The following DDR1 variants were observed in gnomAD, a reference collection of about 807,000 sequenced individuals.
The protein encoded by DDR1 is epithelial discoidin domain-containing receptor 1.
In DDR1, 64 loss-of-function variants were observed where a neutral mutation model predicts 97.4. That is an observed-to-expected ratio of 0.66 (90% CI 0.54 to 0.81). The LOEUF (loss-of-function observed/expected upper bound fraction) is 0.81. Among genes scored for constraint, DDR1 ranks in the 30% least tolerant of loss-of-function variants. The pLI, the probability that DDR1 is intolerant of heterozygous loss-of-function variation, is 0.00. For synonymous variants in DDR1, 458 were observed against 503.7 expected, an observed-to-expected ratio of 0.91 and a Z score of 1.21; for missense variants, 990 against 1,259.6, an observed-to-expected ratio of 0.79 and a Z score of 3.24.
chr6:30,897,451 G>T lies in DDR1; in HGVS notation c.2070G>T (p.Val690=). ...KDPNIIRLLG[V]CVQDDPLCMI... ...CAAACATCATTCGGCTGCTGGGCGT[G>T]TGTGTGCAGGACGACCCCCTCTGCA... The change falls in exon 15 of 18, where the codon GTG becomes GTT. Residue 690 remains valine, a synonymous_variant. Coordinates refer to ENST00000376568, the MANE Select transcript of DDR1 (RefSeq NM_001297654.2). This position sits in a 1 kb window ranked among gnomAD's most constrained non-coding sequence, Gnocchi z 5.2. The T allele has an allele frequency of 6.2e-7, 1 of 1,614,172 alleles. No individual in the cohort carries two copies. Among genetic ancestry groups the T allele is most frequent in the Non-Finnish European group, 8.5e-7 (1 of 1,180,030 alleles).
In DDR1 at chr6:30,886,986, G is replaced by A. The variant is rs1786083480; in HGVS notation, c.-42-1702G>A. 1.3e-5 allele frequency: 2 copies of A among 152,258 alleles called. No homozygotes were observed. Among genetic ancestry groups the A allele is most frequent in the South Asian group, 4.1e-4 (2 of 4,832 alleles). 9.4% of individuals were successfully genotyped at this position (152,258 alleles called of 1,614,324 possible). A position where few individuals can be genotyped will look rare whatever the true frequency, so the allele number is the denominator to read the frequency against. ...AACTTTAATGGGCACAGGTCACCTG[G>A]GAATTGTGTTAAAAGGCAGATTTTG... is the stretch of plus-strand genomic sequence containing the variant. On this transcript the variant is annotated intron_variant, in intron 1 of 17. Transcript: ENST00000376568. This position sits in a 1 kb window ranked among gnomAD's most constrained non-coding sequence, Gnocchi z 4.6.
chr6:30,885,553 G>A lies in DDR1; in HGVS notation c.-43+843G>A, dbSNP rs553451092. 2.6e-4 allele frequency: 370 copies of A among 1,401,308 alleles called. 1 individual carries two copies. In the African/African-American group the frequency reaches 4.7e-3, roughly 18 times the overall value. The allele number at this position is 1,401,308 out of a possible 1,614,324, so 86.8% of individuals were successfully genotyped here. A position where few individuals can be genotyped will look rare whatever the true frequency, so the allele number is the denominator to read the frequency against. On this transcript the variant is annotated intron_variant, in intron 1 of 17. Coordinates refer to ENST00000376568, the MANE Select transcript of DDR1 (RefSeq NM_001297654.2). ...TTCTCTGGGGATCCTGTGCCCAAGG[G>A]CCCGGGTGTGTGTGTCTCATGCTGT...
chr6:30,888,754 T>C lies in DDR1; in HGVS notation c.25T>C (p.Leu9=). Residue 9 remains leucine, a synonymous_variant, in exon 2 of 18, where the codon TTA becomes CTA. Transcript: ENST00000376568. The surrounding 1 kb of genome is among the most constrained non-coding windows in gnomAD (Gnocchi z 4.2). MGPEALSS[L]LLLLLVASGD... Reference sequence around the variant, plus strand: ...TATGGGACCAGAGGCCCTGTCATCTTTACTGCTGCTGCTCTTGGTGGCAAG... The same window carrying C: ...TATGGGACCAGAGGCCCTGTCATCTCTACTGCTGCTGCTCTTGGTGGCAAG... 1 of 1,612,926 alleles carries C rather than the reference T, an allele frequency of 6.2e-7. No individual in the cohort carries two copies. Among genetic ancestry groups the C allele is most frequent in the Non-Finnish European group, 8.5e-7 (1 of 1,179,986 alleles).
In DDR1 at chr6:30,890,893, G is replaced by A; in HGVS notation, c.418-80G>A. On this transcript the variant is annotated intron_variant, in intron 4 of 17. Transcript: ENST00000376568. This position sits in a 1 kb window ranked among gnomAD's most constrained non-coding sequence, Gnocchi z 5.0. ...GTCTCTAAGTGGCCACTGTGGGCTGGGCCAGGGAGCAGCTGGTGGGTGGGA... is the reference window on the plus strand; with the variant it reads ...GTCTCTAAGTGGCCACTGTGGGCTGAGCCAGGGAGCAGCTGGTGGGTGGGA... 6.8e-7 allele frequency: 1 copy of A among 1,474,974 alleles called. No homozygotes were observed. Among genetic ancestry groups the A allele is most frequent in the South Asian group, 1.4e-5 (1 of 72,722 alleles). The allele number at this position is 1,474,974 out of a possible 1,614,324, so 91.4% of individuals were successfully genotyped here.
Position 30,898,362 on chromosome 6 carries a change from C to T in DDR1, c.2451+55C>T, listed in dbSNP as rs924034523. On this transcript the variant is annotated intron_variant, in intron 16 of 17. Coordinates refer to ENST00000376568, the MANE Select transcript of DDR1 (RefSeq NM_001297654.2). ...GCAGGGCAGGTGGGAGAACACTGGC[C>T]GCCACTCACAGCCCTGGTCTCCATC... 2.3e-5 allele frequency: 30 copies of T among 1,303,306 alleles called. No individual in the cohort carries two copies. In the African/African-American group the frequency reaches 3.1e-4, roughly 13 times the overall value. The allele number at this position is 1,303,306 out of a possible 1,614,324, so 80.7% of individuals were successfully genotyped here.
At chr6:30,885,060 C>A in intron 1 of DDR1, 1 of 729,416 alleles carries the variant, frequency 1.4e-6, no homozygotes, top group Non-Finnish European at 2.3e-6. Flanking sequence ...TGCCCTCCAC[C>A]TGGCCAGTCC....
chr6:30,891,029 C>T lies in DDR1; in HGVS notation c.474C>T (p.Pro158=), dbSNP rs1562381447. 7.4e-6 allele frequency: 12 copies of T among 1,612,982 alleles called. No individual in the cohort carries two copies. Among genetic ancestry groups the T allele is most frequent in the Non-Finnish European group, 1.0e-5 (12 of 1,179,980 alleles). The part of the protein sequence containing the change: ...EGVVLKDLGP[P]MVARLVRFYP... ...TGGTGCTGAAGGACCTTGGGCCCCC[C>T]ATGGTTGCCCGACTGGTTCGCTTCT... is the stretch of plus-strand genomic sequence containing the variant. The change falls in exon 5 of 18, where the codon CCC becomes CCT. Residue 158 remains proline, a synonymous_variant. Transcript: ENST00000376568. The surrounding 1 kb of genome is among the most constrained non-coding windows in gnomAD (Gnocchi z 5.3).
chr6:30,884,129 G>C (rs1191889207), upstream of DDR1: 1 of 152,306 alleles, frequency 6.6e-6, no homozygotes, highest in Non-Finnish European at 1.5e-5. The surrounding 1 kb of genome is among the most constrained non-coding windows in gnomAD (Gnocchi z 6.1). Context: ...CAGCCCCCTG[G>C]GGCGCCAGCT....
At chr6:30,898,655 G>A (rs1196921542) in intron 16 of DDR1, among the ~76,000 whole-genome samples, 1 of 152,162 alleles carries the variant, frequency 6.6e-6, no homozygotes, top group Non-Finnish European at 1.5e-5. Context: ...AGGAGCAGAA[G>A]GAAGAGGTGG....
intron 1 of DDR1, chr6:30,885,614 C>A: frequency 7.3e-7 from 1 of 1,367,756 alleles, no homozygotes. Context: ...TCTGTCATTT[C>A]ATGTTCACAG....
intron 1 of DDR1, among the ~76,000 whole-genome samples, chr6:30,887,634 T>C (rs1786362835): frequency 6.6e-6 from 1 of 152,396 alleles, no homozygotes; most frequent in East Asian, 1.9e-4. Flanking sequence ...TTTTCATAGC[T>C]GCATAGTAGT....
rs757192337 is a variant in DDR1 at position 30,891,957 on chromosome 6, C to T, written c.666-45C>T. 2.9e-5 allele frequency: 47 copies of T among 1,604,724 alleles called. No homozygotes were observed. Among genetic ancestry groups the T allele is most frequent in the Non-Finnish European group, 3.7e-5 (44 of 1,173,398 alleles). ...GAGCAGAATGCCTGGATGTCAAGAC[C>T]CTCTTCCCTTCCAACCTCCTCTTCC... On this transcript the variant is annotated intron_variant, in intron 6 of 17. Transcript: ENST00000376568. The surrounding 1 kb of genome is among the most constrained non-coding windows in gnomAD (Gnocchi z 5.3).
At position 30,898,029 on chromosome 6, in the gene DDR1, C is replaced by G. The variant is rs756345131; in HGVS notation, c.2217-44C>G. The G allele has an allele frequency of 1.8e-5, 26 of 1,481,888 alleles. 1 individual carries two copies. The highest frequency in any genetic ancestry group is 1.4e-5 in the African/African-American group (1 of 72,138). 91.8% of individuals were successfully genotyped at this position (1,481,888 alleles called of 1,614,324 possible). On this transcript the variant is annotated intron_variant, in intron 15 of 17. Transcript: ENST00000376568. ...TCTCTCTCCTCTCCTGGATGGGAAT[C>G]TGCGAAGCTGCCCCCAGTGACCTTC...
chr6:30,884,115 C>T, upstream of DDR1: 1 of 152,468 alleles, frequency 6.6e-6, no homozygotes, highest in Non-Finnish European at 1.5e-5. This position sits in a 1 kb window ranked among gnomAD's most constrained non-coding sequence, Gnocchi z 6.1. Context: ...AGCGGGACTG[C>T]AGCCAGCCCC....
At chr6:30,892,598 C>G in intron 8 of DDR1, 56 bp downstream of exon 8, 1 of 1,512,770 alleles carries the variant, frequency 6.6e-7, no homozygotes, top group Non-Finnish European at 8.8e-7. Context: ...TGATTTCATT[C>G]CTAACCCTGC....
Position 30,890,685 on chromosome 6 carries a change from T to G in DDR1, c.418-288T>G. ...AGGATTGGGGAGAATCTGGGCACAA[T>G]GGGATGATAGGCTTGGAGACAAATG... On this transcript the variant is annotated intron_variant, in intron 4 of 17. Coordinates refer to ENST00000376568, the MANE Select transcript of DDR1 (RefSeq NM_001297654.2). The surrounding 1 kb of genome is among the most constrained non-coding windows in gnomAD (Gnocchi z 5.0). The G allele has an allele frequency of 2.5e-6, 1 of 399,776 alleles. No individual in the cohort carries two copies. The highest frequency in any genetic ancestry group is 4.4e-6 in the Non-Finnish European group (1 of 227,186). 24.8% of individuals were successfully genotyped at this position (399,776 alleles called of 1,614,324 possible).
rs1256254755 is a variant in DDR1, at chr6:30,890,138, A to G, written c.417+708A>G. Among the ~76,000 whole-genome samples, 4 of 152,266 alleles carry G rather than the reference A, an allele frequency of 2.6e-5. No individual in the cohort carries two copies. The highest frequency in any genetic ancestry group is 9.6e-5 in the African/African-American group (4 of 41,542). ...GGCGGCATCCAGTGGACCTTAGAGCATGTAAATCAGATACGTCACACCTAG... is the reference window on the plus strand; with the variant it reads ...GGCGGCATCCAGTGGACCTTAGAGCGTGTAAATCAGATACGTCACACCTAG... On this transcript the variant is annotated intron_variant, in intron 4 of 17. Transcript: ENST00000376568. The surrounding 1 kb of genome is among the most constrained non-coding windows in gnomAD (Gnocchi z 5.0).
At position 30,899,019 on chromosome 6, in the gene DDR1, C is replaced by T; in HGVS notation, c.2583C>T (p.Phe861=). Residue 861 remains phenylalanine, a synonymous_variant, in exon 17 of 18, where the codon TTC becomes TTT. Coordinates refer to ENST00000376568, the MANE Select transcript of DDR1 (RefSeq NM_001297654.2). ...TCATCGAGAACGCGGGGGAGTTCTT[C>T]CGGGACCAGGGCCGGCAGGTCAGAG... ...EQVIENAGEF[F]RDQGRQVYLS... 1.9e-6 allele frequency: 3 copies of T among 1,614,078 alleles called. No homozygotes were observed. The highest frequency in any genetic ancestry group is 1.1e-5 in the South Asian group (1 of 91,072).
At position 30,897,411 on chromosome 6, in the gene DDR1, C is replaced by T. The variant is rs760261368; in HGVS notation, c.2030C>T (p.Ser677Leu). Residue 677 changes from serine to leucine, a missense_variant, in exon 15 of 18, where the codon TCG (serine) becomes TTG (leucine). Ser to Leu is a moderately radical substitution (Grantham distance 145). Coordinates refer to ENST00000376568, the MANE Select transcript of DDR1 (RefSeq NM_001297654.2). The surrounding 1 kb of genome is among the most constrained non-coding windows in gnomAD (Gnocchi z 5.2). ...TTCCTGAAAGAGGTGAAGATCATGT[C>T]GAGGCTCAAGGACCCAAACATCATT... Reference protein sequence around the residue: ...NDFLKEVKIMSRLKDPNIIRL... With the variant: ...NDFLKEVKIMLRLKDPNIIRL... 33 of 1,613,988 alleles carry T rather than the reference C, an allele frequency of 2.0e-5. 2 individuals carry two copies. The South Asian group carries it at 3.1e-4, about 15-fold the overall frequency.
Sources: allele counts gnomAD v4.1 joint callset (sites outside exome capture counted in the v4.1 genomes callset), GRCh38; gene constraint gnomAD v4.1.1; non-coding constraint Gnocchi (gnomAD v3.1); transcripts MANE v1.5; gene names NCBI Gene and HGNC (gene_info 2026-07-23, HGNC 2026-07-21).